The following SEMA6C variants were observed in gnomAD, a reference collection of about 807,000 sequenced individuals.
SEMA6C encodes semaphorin-6C.
SEMA6C carries 37 observed loss-of-function variants against 72.9 expected under a neutral mutation model. The ratio of observed to expected loss-of-function variants is 0.51; its 90% CI spans 0.39 to 0.67. SEMA6C has a LOEUF of 0.67. Among genes scored for constraint, SEMA6C ranks in the 30% least tolerant of loss-of-function variants. The pLI is 0.00. For missense variants in SEMA6C, 1,189 were observed against 1,263.6 expected, an observed-to-expected ratio of 0.94 and a Z score of 0.89; for synonymous variants, 578 against 554.1, an observed-to-expected ratio of 1.04 and a Z score of -0.61.
rs1454146821 is a variant in SEMA6C, at chr1:151,144,380, C to CTT, written c.-55+3_-55+4dup. 6.5e-6 allele frequency: 1 copy of CTT among 153,036 alleles called. No individual in the cohort carries two copies. The highest frequency in any genetic ancestry group is 2.4e-5 in the African/African-American group (1 of 41,444). 9.5% of individuals were successfully genotyped at this position (153,036 alleles called of 1,614,324 possible). Reference sequence around the variant, plus strand: ...TGCCCTCAGGAGCTGCTGCCCTTTCCTTACCTGGGTTGGTGACTCCTGTGG... The same window carrying CTT: ...TGCCCTCAGGAGCTGCTGCCCTTTCCTTTTACCTGGGTTGGTGACTCCTGTGG... On this transcript the variant is annotated splice_donor_region_variant and intron_variant, in intron 2 of 18. Transcript: ENST00000368914.
chr1:151,140,708 T>C (rs587704197), intron 3 of SEMA6C, among the ~76,000 whole-genome samples: 37 of 152,330 alleles, frequency 2.4e-4, no homozygotes, highest in Non-Finnish European at 4.6e-4. Context: ...ATTTATAATG[T>C]GCTCAGCTGG....
Position 151,140,046 on chromosome 1 carries a change from C to T in SEMA6C, c.163G>A (p.Val55Met). 6.2e-7 allele frequency: 1 copy of T among 1,614,158 alleles called. No homozygotes were observed. The highest frequency in any genetic ancestry group is 8.5e-7 in the Non-Finnish European group (1 of 1,180,034). The part of the protein sequence containing the change: ...SWFRGLEDDA[V>M]AAELGLDFQR... Reference sequence around the variant, plus strand: ...AAGTCCAGCCCAAGTTCTGCAGCCACAGCATCATCCTCCAGGCCCCGAAAC... The same window carrying T: ...AAGTCCAGCCCAAGTTCTGCAGCCATAGCATCATCCTCCAGGCCCCGAAAC... Residue 55 changes from valine (V) to methionine (M), a missense_variant, in exon 4 of 19, where the codon GTG becomes ATG. Transcript: ENST00000368914.
Position 151,133,190 on chromosome 1 carries a change from G to C in SEMA6C, c.2087C>G (p.Ala696Gly). Residue 696 changes from alanine to glycine, a missense_variant, in exon 19 of 19, where the codon GCC becomes GGC. Around this residue, in one of 2 missense-constraint regions of SEMA6C, gnomAD observed 721 missense variants for 686.2 expected, o/e 1.05. Coordinates refer to ENST00000368914, the MANE Select transcript of SEMA6C (RefSeq NM_030913.6). This position sits in a 1 kb window ranked among gnomAD's most constrained non-coding sequence, Gnocchi z 5.9. ...PPEGVPPPEL[A>G]CLPTPESTPE... ...CGTGGACTCGGGGGTGGGCAGGCAG[G>C]CCAGCTCCGGCGGGGGCACGCCCTC... is the stretch of plus-strand genomic sequence containing the variant. 6.4e-7 allele frequency: 1 copy of C among 1,566,020 alleles called. No individual in the cohort carries two copies. Among genetic ancestry groups the C allele is most frequent in the Non-Finnish European group, 8.6e-7 (1 of 1,165,302 alleles).
chr1:151,139,602 C>A, intron 5 of SEMA6C, 36 bp downstream of exon 5: 1 of 1,607,320 alleles, frequency 6.2e-7, no homozygotes, highest in Non-Finnish European at 8.5e-7. Context: ...CCAGCCTCAT[C>A]TCCACGTCTG....
Position 151,132,599 on chromosome 1 carries a change from C to T in SEMA6C, c.2678G>A (p.Arg893Gln). Residue 893 changes from arginine (R) to glutamine (Q), a missense_variant, in exon 19 of 19, where the codon CGG becomes CAG. Physicochemically the swap from Arg to Gln is conservative, Grantham distance 43. This residue lies in a region of SEMA6C where 721 missense variants were observed against 686.2 expected (regional missense o/e 1.05). Transcript: ENST00000368914. ...LLYLGRPEGYRGRALKRVDVE... is the reference protein window; with the variant it reads ...LLYLGRPEGYQGRALKRVDVE... Reference sequence around the variant, plus strand: ...GTCCACCCTTTTCAGGGCGCGGCCCCGGTAGCCCTCGGGCCGGCCCAGGTA... The same window carrying T: ...GTCCACCCTTTTCAGGGCGCGGCCCTGGTAGCCCTCGGGCCGGCCCAGGTA... The T allele has an allele frequency of 6.4e-7, 1 of 1,551,348 alleles. No homozygotes were observed. Among genetic ancestry groups the T allele is most frequent in the Non-Finnish European group, 8.7e-7 (1 of 1,147,270 alleles).
rs750818658 is a variant in SEMA6C at position 151,135,741 on chromosome 1, A to G, written c.1283T>C (p.Val428Ala). The stretch of plus-strand genomic sequence containing the variant: ...ACTGTGGGGACCAGCCATGCCATCC[A>G]CAGCTACTTGGGTCAGTAGGGCCCT... Reference protein sequence around the residue: ...TSRALLTQVAVDGMAGPHSNI... With the variant: ...TSRALLTQVAADGMAGPHSNI... Residue 428 changes from valine to alanine, a missense_variant, in exon 14 of 19, where the codon GTG (valine) becomes GCG (alanine). By Grantham distance (64) the Val-to-Ala change is moderately conservative. This residue lies in a region of SEMA6C where 468 missense variants were observed against 577.4 expected (regional missense o/e 0.81). Coordinates refer to ENST00000368914, the MANE Select transcript of SEMA6C (RefSeq NM_030913.6). 16 of 1,614,150 alleles carry G rather than the reference A, an allele frequency of 9.9e-6. No individual in the cohort carries two copies. Among genetic ancestry groups the G allele is most frequent in the Non-Finnish European group, 1.4e-5 (16 of 1,179,988 alleles).
Position 151,133,204 on chromosome 1 carries a change from G to A in SEMA6C, c.2073C>T (p.Pro691=). 2 of 1,574,136 alleles carry A rather than the reference G, an allele frequency of 1.3e-6. No individual in the cohort carries two copies. The highest frequency in any genetic ancestry group is 1.7e-6 in the Non-Finnish European group (2 of 1,167,990). The change falls in exon 19 of 19, where the codon CCC becomes CCT. Residue 691 remains proline, a synonymous_variant. Transcript: ENST00000368914. The surrounding 1 kb of genome is among the most constrained non-coding windows in gnomAD (Gnocchi z 5.9). ...TGGGCAGGCAGGCCAGCTCCGGCGG[G>A]GGCACGCCCTCCGGAGGCGGCAGGA... ...TTFLPPPEGV[P]PPELACLPTP... is the part of the protein sequence containing the mutation.
Position 151,138,919 on chromosome 1 carries a change from C to A in SEMA6C, c.355-188G>T, listed in dbSNP as rs376039846. On this transcript the variant is annotated intron_variant, in intron 6 of 18. Transcript: ENST00000368914. Reference sequence around the variant, plus strand: ...ACCAGCCTGGGCAACACGGTGAAACCCCATTTCTACTAAAATACAAAAAAT... The same window carrying A: ...ACCAGCCTGGGCAACACGGTGAAACACCATTTCTACTAAAATACAAAAAAT... Among the ~76,000 whole-genome samples the A allele has an allele frequency of 5.3e-4, 80 of 151,938 alleles. 1 individual carries two copies. Among genetic ancestry groups the A allele is most frequent in the African/African-American group, 1.7e-3 (69 of 41,384 alleles).
intron 11 of SEMA6C, 94 bp from the exon 12 acceptor site, chr1:151,136,673 GAGAT>G: frequency 2.0e-6 from 3 of 1,519,264 alleles, no homozygotes; most frequent in African/African-American, 1.4e-5. Context: ...ACCACATTAA[GAGAT>G]AGAGACTGAG....
chr1:151,133,390 A>G lies in SEMA6C; in HGVS notation c.1887T>C (p.Cys629=). 6.3e-7 allele frequency: 1 copy of G among 1,598,848 alleles called. No homozygotes were observed. Among genetic ancestry groups the G allele is most frequent in the Non-Finnish European group, 8.5e-7 (1 of 1,175,340 alleles). ...TGCCCCGACGTCGGTGGGCGCGGCG[A>G]CAAGCACAGGAGACCAGGAGGCCAG... ...SVSGLLVSCA[C]RRAHRRRGKD... The change falls in exon 19 of 19, where the codon TGT becomes TGC. Residue 629 remains cysteine (C), a synonymous_variant. Transcript: ENST00000368914. The surrounding 1 kb of genome is among the most constrained non-coding windows in gnomAD (Gnocchi z 5.9).
Position 151,139,458 on chromosome 1 carries a change from A to G in SEMA6C, c.321T>C (p.Asp107=), listed in dbSNP as rs747780882. The change falls in exon 6 of 19, where the codon GAT becomes GAC. Residue 107 remains aspartate, a synonymous_variant. Transcript: ENST00000368914. ...PNKYLTWRSQ[D]VENCAVRGKL... is the part of the protein sequence containing the mutation. Reference sequence around the variant, plus strand: ...TTCCCCGTACAGCACAGTTCTCCACATCTTGGCTTCTCCATGTTAGATACT... The same window carrying G: ...TTCCCCGTACAGCACAGTTCTCCACGTCTTGGCTTCTCCATGTTAGATACT... The G allele has an allele frequency of 6.2e-7, 1 of 1,614,142 alleles. No individual in the cohort carries two copies. The highest frequency in any genetic ancestry group is 1.1e-5 in the South Asian group (1 of 91,082).
In SEMA6C at chr1:151,133,028, AC is replaced by A; in HGVS notation, c.2248del (p.Val750Ter). The stretch of plus-strand genomic sequence containing the variant: ...GGGACAGCCGGGCGGCGGTGGCCTC[AC>A]CAGCACGCGGGGCGCGGGCCCGCCC... ...AAGGPAPRVL[V>X]RPPPPGCPGQ... On this transcript the variant is annotated frameshift_variant, in exon 19 of 19. Transcript: ENST00000368914. LOFTEE classifies it low-confidence loss of function (END_TRUNC). The surrounding 1 kb of genome is among the most constrained non-coding windows in gnomAD (Gnocchi z 5.9). 1 of 1,399,502 alleles carries A rather than the reference AC, an allele frequency of 7.1e-7. No homozygotes were observed. The highest frequency in any genetic ancestry group is 9.3e-7 in the Non-Finnish European group (1 of 1,080,248). The allele number at this position is 1,399,502 out of a possible 1,614,324, so 86.7% of individuals were successfully genotyped here. A position where few individuals can be genotyped will look rare whatever the true frequency, so the allele number is the denominator to read the frequency against.
Position 151,137,053 on chromosome 1 carries a change from G to C in SEMA6C, c.778C>G (p.Arg260Gly), listed in dbSNP as rs1468378877. Residue 260 changes from arginine to glycine, a missense_variant, in exon 11 of 19, where the codon CGA (arginine) becomes GGA (glycine). Coordinates refer to ENST00000368914, the MANE Select transcript of SEMA6C (RefSeq NM_030913.6). ...CCGCCCATGTCACGTTTACATACTC[G>C]GGCTACGCGGGAGAACTGCACCTAG... ...LGRVQFSRVA[R>G]VCKRDMGGSP... The C allele has an allele frequency of 6.2e-7, 1 of 1,613,492 alleles. No individual in the cohort carries two copies. Among genetic ancestry groups the C allele is most frequent in the Non-Finnish European group, 8.5e-7 (1 of 1,180,040 alleles).
In SEMA6C at chr1:151,138,374, C is replaced by T; in HGVS notation, c.489G>A (p.Leu163=). 2 of 1,613,994 alleles carry T rather than the reference C, an allele frequency of 1.2e-6. No individual in the cohort carries two copies. The highest frequency in any genetic ancestry group is 1.7e-6 in the Non-Finnish European group (2 of 1,179,916). Residue 163 remains leucine (L), a synonymous_variant, in exon 8 of 19, where the codon CTG becomes CTA. Transcript: ENST00000368914. ...ITSLQQEGEE[L]SGQARCPFDA... ...CAAAGGGGCATCGAGCCTGCCCACTCAGTTCCTCACCCTCCTGCTGCAGCG... is the reference window on the plus strand; with the variant it reads ...CAAAGGGGCATCGAGCCTGCCCACTTAGTTCCTCACCCTCCTGCTGCAGCG...
Position 151,137,975 on chromosome 1 carries a change from C to T in SEMA6C, c.667+11G>A. ...CCAATAACAGTCTCCTTTCCCCAGGCCCGCCCTGACCTCGGAGCCACTTGG... is the reference window on the plus strand; with the variant it reads ...CCAATAACAGTCTCCTTTCCCCAGGTCCGCCCTGACCTCGGAGCCACTTGG... On this transcript the variant is annotated intron_variant, in intron 9 of 18. Transcript: ENST00000368914. 1 of 1,612,444 alleles carries T rather than the reference C, an allele frequency of 6.2e-7. No homozygotes were observed. The highest frequency in any genetic ancestry group is 8.5e-7 in the Non-Finnish European group (1 of 1,179,098).
rs887064091 is a variant in SEMA6C at position 151,139,092 on chromosome 1, CAAAAAAAAAAAA to C, written c.354+321_354+332del. Among the ~76,000 whole-genome samples, 24 of 53,108 alleles carry C rather than the reference CAAAAAAAAAAAA, an allele frequency of 4.5e-4. 1 individual carries two copies. The highest frequency in any genetic ancestry group is 2.1e-3 in the South Asian group (3 of 1,448). 34.8% of individuals were successfully genotyped at this position (53,108 alleles called of 152,430 possible). A position where few individuals can be genotyped will look rare whatever the true frequency, so the allele number is the denominator to read the frequency against. On this transcript the variant is annotated intron_variant, in intron 6 of 18. Transcript: ENST00000368914. ...TGGGCAACAGACTGAGACTCCGTCT[CAAAAAAAAAAAA>C]AAAAAAAGAAAAGAAAAGAAAGAAA...
Position 151,132,973 on chromosome 1 carries a change from C to T in SEMA6C, c.2304G>A (p.Glu768=), listed in dbSNP as rs1451825768. Reference sequence around the variant, plus strand: ...GGCCGTGCAGGTAGCGCAGCAGTTCCTCCAGGGTGGTGACTTCCACGGCCT... The same window carrying T: ...GGCCGTGCAGGTAGCGCAGCAGTTCTTCCAGGGTGGTGACTTCCACGGCCT... ...PGQAVEVTTL[E]ELLRYLHGPQ... is the part of the protein sequence containing the mutation. Residue 768 remains glutamate, a synonymous_variant, in exon 19 of 19, where the codon GAG becomes GAA. Coordinates refer to ENST00000368914, the MANE Select transcript of SEMA6C (RefSeq NM_030913.6). The T allele has an allele frequency of 8.5e-6, 12 of 1,414,392 alleles. No individual in the cohort carries two copies. The highest frequency in any genetic ancestry group is 3.6e-5 in the East Asian group (1 of 27,434). 87.6% of individuals were successfully genotyped at this position (1,414,392 alleles called of 1,614,324 possible). A position where few individuals can be genotyped will look rare whatever the true frequency, so the allele number is the denominator to read the frequency against.
intron 8 of SEMA6C, 50 bp from the exon 9 acceptor site, chr1:151,138,155 C>G: frequency 6.2e-7 from 1 of 1,604,194 alleles, no homozygotes; most frequent in Non-Finnish European, 8.5e-7. Context: ...GGATCTGTAT[C>G]CTGCCTCTTC....
chr1:151,138,708 A>G lies in SEMA6C; in HGVS notation c.378T>C (p.Arg126=). 6.2e-7 allele frequency: 1 copy of G among 1,614,142 alleles called. No homozygotes were observed. The highest frequency in any genetic ancestry group is 8.5e-7 in the Non-Finnish European group (1 of 1,179,992). The part of the protein sequence containing the change: ...KLTDECYNYI[R]VLVPWDSQTL... ...TCTGGGAGTCCCAGGGAACAAGAAC[A>G]CGAATATAGTTGTAGCACTCATCCT... is the stretch of plus-strand genomic sequence containing the variant. The change falls in exon 7 of 19, where the codon CGT becomes CGC. Residue 126 remains arginine (R), a synonymous_variant. Transcript: ENST00000368914.
Sources: allele counts gnomAD v4.1 joint callset (sites outside exome capture counted in the v4.1 genomes callset), GRCh38; gene constraint gnomAD v4.1.1; regional missense constraint gnomAD v4.1.1; non-coding constraint Gnocchi (gnomAD v3.1); transcripts MANE v1.5; gene names NCBI Gene and HGNC (gene_info 2026-07-23, HGNC 2026-07-21).